Variants in LSM14A observed in about 807,000 individuals in gnomAD.
LSM14A encodes the protein LSM14A mRNA processing body assembly factor, also known as protein LSM14 homolog A.
A neutral mutation model predicts 52.4 loss-of-function variants in LSM14A; 14 were observed. The ratio of observed to expected loss-of-function variants is 0.27; its 90% CI spans 0.18 to 0.42. The LOEUF is 0.42. Ranked by LOEUF, LSM14A falls within the 10% of genes least tolerant of loss-of-function variation. LSM14A has a pLI of 1.00. For missense variants in LSM14A, 417 were observed against 581.8 expected, an observed-to-expected ratio of 0.72 and a Z score of 2.91; for synonymous variants, 185 against 200.3, an observed-to-expected ratio of 0.92 and a Z score of 0.64.
Position 34,194,459 on chromosome 19 carries a change from T to C in LSM14A, c.122-19T>C. On this transcript the variant is annotated intron_variant, in intron 1 of 9. Transcript: ENST00000544216. ...GTGATGAGTAGTCACACATCTCATA[T>C]CCTTTGTTTTCTTGCCAGTTCGATC... 6 of 1,612,218 alleles carry C rather than the reference T, an allele frequency of 3.7e-6. No homozygotes were observed. Among genetic ancestry groups the C allele is most frequent in the Non-Finnish European group, 5.1e-6 (6 of 1,178,456 alleles).
Position 34,228,197 on chromosome 19 carries a change from T to A in LSM14A, c.*809T>A, listed in dbSNP as rs1170095070. 1 of 152,662 alleles carries A rather than the reference T, an allele frequency of 6.6e-6. No homozygotes were observed. The highest frequency in any genetic ancestry group is 1.5e-5 in the Non-Finnish European group (1 of 68,048). 9.5% of individuals were successfully genotyped at this position (152,662 alleles called of 1,614,324 possible). ...GCTTAACATTTTTGATTTTGTTTTTTAATGTTTGGAACATAAATGAAGATT... is the reference window on the plus strand; with the variant it reads ...GCTTAACATTTTTGATTTTGTTTTTAAATGTTTGGAACATAAATGAAGATT... On this transcript the variant is annotated 3_prime_UTR_variant, in exon 10 of 10. Coordinates refer to ENST00000544216, the MANE Select transcript of LSM14A (RefSeq NM_015578.4).
intron 3 of LSM14A, among the ~76,000 whole-genome samples, chr19:34,204,152 T>C (rs2071512937): frequency 6.6e-6 from 1 of 152,204 alleles, no homozygotes; most frequent in South Asian, 2.1e-4. Context: ...TGTGTAACTT[T>C]TATAAAACAG....
rs1453723835 is a variant in LSM14A at position 34,215,604 on chromosome 19, C to T, written c.724C>T (p.His242Tyr). Residue 242 changes from histidine to tyrosine, a missense_variant, in exon 6 of 10, where the codon CAC (histidine) becomes TAC (tyrosine). Transcript: ENST00000544216. ...ENQEHRRAEV[H>Y]KVSRPENEQL... is the part of the protein sequence containing the mutation. Reference sequence around the variant, plus strand: ...CATGTCTTCTTCTGTAGCTGAAGTACACAAAGTTTCAAGGCCAGAAAATGA... The same window carrying T: ...CATGTCTTCTTCTGTAGCTGAAGTATACAAAGTTTCAAGGCCAGAAAATGA... The T allele has an allele frequency of 6.2e-6, 10 of 1,612,836 alleles. No individual in the cohort carries two copies. The highest frequency in any genetic ancestry group is 7.6e-6 in the Non-Finnish European group (9 of 1,178,988).
At position 34,229,055 on chromosome 19, in the gene LSM14A, T is replaced by C. The variant is rs1229872821; in HGVS notation, c.*1667T>C. On this transcript the variant is annotated 3_prime_UTR_variant, in exon 10 of 10. Transcript: ENST00000544216. ...AGCATCAGAGCAAGTACCATGGCAA[T>C]ACATGTGTAGACTGTTGGAGATGTC... is the stretch of plus-strand genomic sequence containing the variant. The C allele has an allele frequency of 6.6e-6, 1 of 152,186 alleles. No homozygotes were observed. Among genetic ancestry groups the C allele is most frequent in the Non-Finnish European group, 1.5e-5 (1 of 68,048 alleles). The allele number at this position is 152,186 out of a possible 1,614,324, so 9.4% of individuals were successfully genotyped here.
chr19:34,214,816 ATT>A (rs35905842), intron 4 of LSM14A, among the ~76,000 whole-genome samples: 168 of 142,650 alleles, frequency 1.2e-3, no homozygotes, highest in Middle Eastern at 3.7e-3. Flanking sequence ...CCTGGCAGCA[ATT>A]TTTTTTTTTT....
intron 3 of LSM14A, among the ~76,000 whole-genome samples, chr19:34,199,672 G>A (rs1344709020): frequency 2.0e-5 from 3 of 152,024 alleles, no homozygotes; most frequent in African/African-American, 4.8e-5. Flanking sequence ...TGGAAACCCC[G>A]TAGCAAGGGA....
chr19:34,172,678 C>A lies in LSM14A; in HGVS notation c.36C>A (p.Ile12=), dbSNP rs1442287373. ...GCACCCCTTACATCGGCAGCAAGAT[C>A]AGCCTCATCTCCAAGGCGGAGATCC... ...SGGTPYIGSK[I]SLISKAEIRY... is the part of the protein sequence containing the mutation. Residue 12 remains isoleucine (I), a synonymous_variant, in exon 1 of 10, where the codon ATC becomes ATA. Coordinates refer to ENST00000544216, the MANE Select transcript of LSM14A (RefSeq NM_015578.4). 2.5e-6 allele frequency: 4 copies of A among 1,580,946 alleles called. No homozygotes were observed. Among genetic ancestry groups the A allele is most frequent in the African/African-American group, 1.4e-5 (1 of 71,780 alleles).
At chr19:34,174,450 C>G (rs2068939670) in intron 1 of LSM14A, among the ~76,000 whole-genome samples, 1 of 152,132 alleles carries the variant, frequency 6.6e-6, no homozygotes, top group Non-Finnish European at 1.5e-5. Flanking sequence ...GTATGAAAAA[C>G]CAGGGAGTAC....
At chr19:34,223,884 C>A (rs2073197820) in intron 9 of LSM14A, among the ~76,000 whole-genome samples, 1 of 152,208 alleles carries the variant, frequency 6.6e-6, no homozygotes, top group Admixed American at 6.5e-5. Flanking sequence ...TCTGAAATAA[C>A]ACCTTTTAAA....
At chr19:34,214,339 C>T (rs1416453572) in intron 4 of LSM14A, among the ~76,000 whole-genome samples, 10 of 150,900 alleles carry the variant, frequency 6.6e-5, no homozygotes, top group African/African-American at 2.4e-4. Flanking sequence ...TGAGACAGGG[C>T]CTTGCTCTGT....
At chr19:34,219,210 A>C (rs936335310) in intron 6 of LSM14A, among the ~76,000 whole-genome samples, 181 bp from the exon 7 acceptor site, 11 of 152,196 alleles carry the variant, frequency 7.2e-5, no homozygotes, top group Admixed American at 5.9e-4. Context: ...CTACATATTA[A>C]ATATTAGTGA....
At chr19:34,198,371 C>T (rs1408179261) in intron 3 of LSM14A, among the ~76,000 whole-genome samples, 1 of 152,070 alleles carries the variant, frequency 6.6e-6, no homozygotes, top group Non-Finnish European at 1.5e-5. Flanking sequence ...AATCCCAGCA[C>T]TTTGGGAGGC....
intron 6 of LSM14A, among the ~76,000 whole-genome samples, chr19:34,217,032 C>T (rs563525392): frequency 2.6e-5 from 4 of 152,072 alleles, no homozygotes; most frequent in Admixed American, 2.6e-4. Context: ...GACGCCGAGG[C>T]GGGCAGGTCA....
chr19:34,226,434 G>A (rs1011078122), intron 9 of LSM14A: 3 of 1,504,188 alleles, frequency 2.0e-6, no homozygotes, highest in Admixed American at 4.5e-5. Context: ...GACCCTAAAA[G>A]GTCTGGATTG....
chr19:34,192,649 A>AGCGTATGC (rs1163165118), intron 1 of LSM14A, among the ~76,000 whole-genome samples: 1 of 39,634 alleles, frequency 2.5e-5, no homozygotes. Context: ...AAAAAAAAAA[A>AGCGTATGC]AAAAAAAAAA....
At chr19:34,186,241 T>C (rs1390951721) in intron 1 of LSM14A, among the ~76,000 whole-genome samples, 3 of 152,226 alleles carry the variant, frequency 2.0e-5, no homozygotes, top group Non-Finnish European at 4.4e-5. Context: ...GAAGAACAGA[T>C]TATTTCAGCC....
At chr19:34,189,153 A>C (rs988944536) in intron 1 of LSM14A, among the ~76,000 whole-genome samples, 3 of 152,224 alleles carry the variant, frequency 2.0e-5, no homozygotes, top group African/African-American at 7.2e-5. Context: ...TCGTTAATTC[A>C]TGATAATCCC....
At chr19:34,182,524 G>A (rs373727068) in intron 1 of LSM14A, among the ~76,000 whole-genome samples, 33 of 151,906 alleles carry the variant, frequency 2.2e-4, no homozygotes, top group Middle Eastern at 3.4e-3. Flanking sequence ...GTGTTTCTCT[G>A]TGGACCTTGT....
intron 1 of LSM14A, 86 bp downstream of exon 1, chr19:34,172,849 C>T (rs2068798536): frequency 7.1e-6 from 10 of 1,401,936 alleles, no homozygotes; most frequent in Non-Finnish European, 9.4e-6. Context: ...CTCCTCGTTC[C>T]CTCCCCTCCC....
Sources: gnomAD v4.1 joint callset for allele counts (sites outside exome capture counted in the v4.1 genomes callset) on GRCh38, gnomAD v4.1.1 for gene constraint, MANE v1.5 for transcripts, NCBI Gene and HGNC (gene_info 2026-07-23, HGNC 2026-07-21) for gene names.